The following WASF2 variants were observed in gnomAD, a reference collection of about 807,000 sequenced individuals.
WASF2 encodes the protein actin-binding protein WASF2.
A neutral mutation model predicts 45.0 loss-of-function variants in WASF2; 14 were observed. That is an observed-to-expected ratio of 0.31 (90% CI 0.21 to 0.49). The LOEUF (loss-of-function observed/expected upper bound fraction) is 0.49. WASF2 is among the 20% of genes least tolerant of loss of function. WASF2 has a pLI of 0.99. For missense variants in WASF2, 439 were observed against 636.1 expected, an observed-to-expected ratio of 0.69 and a Z score of 3.33; for synonymous variants, 200 against 236.3, an observed-to-expected ratio of 0.85 and a Z score of 1.41.
intron 1 of WASF2, among the ~76,000 whole-genome samples, chr1:27,437,552 C>T (rs1341046377): frequency 6.6e-6 from 1 of 152,124 alleles, no homozygotes; most frequent in Non-Finnish European, 1.5e-5. Context: ...GTTATGGATC[C>T]ACTTAAATTA....
chr1:27,487,579 A>C (rs1195249151), intron 1 of WASF2, among the ~76,000 whole-genome samples: 1 of 99,004 alleles, frequency 1.0e-5, no homozygotes, highest in Non-Finnish European at 1.8e-5. Flanking sequence ...TATAATATAT[A>C]TTATATATAT....
At chr1:27,429,031 GA>G in intron 1 of WASF2, 98 bp from the exon 2 acceptor site, 1 of 1,003,834 alleles carries the variant, frequency 1.0e-6, no homozygotes, top group Non-Finnish European at 1.4e-6. Context: ...GTCTTACCCT[GA>G]TCTAAAACAG....
Position 27,410,427 on chromosome 1 carries a change from A to ATT in WASF2, c.825-223_825-222dup, listed in dbSNP as rs1279966866. Reference sequence around the variant, plus strand: ...CCCACCAGTAGAGGAGGATAGACAGATTGAGTAAAACTACCTGCAAGAAGT... The same window carrying ATT: ...CCCACCAGTAGAGGAGGATAGACAGATTTTGAGTAAAACTACCTGCAAGAAGT... On this transcript the variant is annotated intron_variant, in intron 7 of 8. Coordinates refer to ENST00000618852, the MANE Select transcript of WASF2 (RefSeq NM_006990.5). This position sits in a 1 kb window ranked among gnomAD's most constrained non-coding sequence, Gnocchi z 4.2. Among the ~76,000 whole-genome samples, 9 of 152,292 alleles carry ATT rather than the reference A, an allele frequency of 5.9e-5. No homozygotes were observed. In the East Asian group the frequency reaches 1.7e-3, roughly 29 times the overall value.
chr1:27,467,483 AGTAGAGACGGCATTTCACC>A (rs1341677312), intron 1 of WASF2, among the ~76,000 whole-genome samples: 2 of 149,628 alleles, frequency 1.3e-5, no homozygotes, highest in Non-Finnish European at 1.5e-5. Flanking sequence ...TGGATTTTTT[AGTAGAGACGGCATTTCACC>A]GTGTTAGCCA....
intron 1 of WASF2, among the ~76,000 whole-genome samples, chr1:27,474,700 A>G (rs558289127): frequency 1.8e-4 from 28 of 151,998 alleles, no homozygotes; most frequent in African/African-American, 6.3e-4. Flanking sequence ...TAAACCCAGG[A>G]GGCAGAGGTT....
chr1:27,452,531 A>T (rs576040814), intron 1 of WASF2, among the ~76,000 whole-genome samples: 69 of 151,192 alleles, frequency 4.6e-4, no homozygotes, highest in African/African-American at 1.6e-3. Context: ...TAAATGAATA[A>T]ATAGGCCAGA....
Position 27,406,166 on chromosome 1 carries a change from C to A in WASF2, c.*2023G>T, listed in dbSNP as rs184641949. On this transcript the variant is annotated 3_prime_UTR_variant, in exon 9 of 9. Transcript: ENST00000618852. The stretch of plus-strand genomic sequence containing the variant: ...TACTGCTGGGCTGCGGCCCAGGCGC[C>A]TTCAACGACCATTTTAGGGTTCTGA... 3.2e-4 allele frequency: 49 copies of A among 152,830 alleles called. 1 individual carries two copies. The South Asian group carries it at 6.4e-3, about 20-fold the overall frequency. The allele number at this position is 152,830 out of a possible 1,614,324, so 9.5% of individuals were successfully genotyped here.
intron 1 of WASF2, among the ~76,000 whole-genome samples, chr1:27,480,954 C>A (rs539490596): frequency 9.0e-4 from 137 of 151,728 alleles, no homozygotes; most frequent in African/African-American, 3.3e-3. Context: ...AGGAGAATGG[C>A]GTGAACCTGG....
chr1:27,479,953 T>C (rs1571166892), intron 1 of WASF2, among the ~76,000 whole-genome samples: 1 of 152,250 alleles, frequency 6.6e-6, no homozygotes, highest in Non-Finnish European at 1.5e-5. Context: ...TGGAGCACTA[T>C]GCTTTGCAAA....
intron 2 of WASF2, among the ~76,000 whole-genome samples, chr1:27,419,987 C>T (rs747885384): frequency 5.9e-5 from 9 of 152,122 alleles, no homozygotes; most frequent in Non-Finnish European, 1.0e-4. Flanking sequence ...TCACTGCAAC[C>T]TCCATCTCCT....
rs1553152822 is a variant in WASF2 at position 27,487,432 on chromosome 1, A to AAT, written c.-44+2552_-44+2553dup. On this transcript the variant is annotated intron_variant, in intron 1 of 8. Transcript: ENST00000618852. ...ATATTTTATATAAATATATATATTT[A>AAT]ATATATATACAAATATAAATATATA... 2.4e-5 allele frequency among the ~76,000 whole-genome samples: 3 copies of AAT among 127,518 alleles called. No homozygotes were observed. The South Asian group carries it at 6.5e-4, about 28-fold the overall frequency. The allele number at this position is 127,518 out of a possible 152,430, so 83.7% of individuals were successfully genotyped here.
At chr1:27,459,251 C>CT (rs1213783414) in intron 1 of WASF2, 2 of 152,212 alleles carry the variant, frequency 1.3e-5, no homozygotes, top group Non-Finnish European at 2.9e-5. Flanking sequence ...GCTTCAATCT[C>CT]TCGGACTCAA....
chr1:27,461,600 C>T (rs2017545882), intron 1 of WASF2, among the ~76,000 whole-genome samples: 1 of 151,968 alleles, frequency 6.6e-6, no homozygotes, highest in East Asian at 1.9e-4. Flanking sequence ...GCAGCTGGGA[C>T]TACAGGCGCC....
chr1:27,416,102 C>A lies in WASF2; in HGVS notation c.420G>T (p.Arg140Ser). 1 of 1,613,046 alleles carries A rather than the reference C, an allele frequency of 6.2e-7. No individual in the cohort carries two copies. Among genetic ancestry groups the A allele is most frequent in the Non-Finnish European group, 8.5e-7 (1 of 1,179,168 alleles). ...ATTTGAGTGCCTCTTTTCCATCGTCCCTGGGATAGAAATGAAGACAAGTAG... is the reference window on the plus strand; with the variant it reads ...ATTTGAGTGCCTCTTTTCCATCGTCACTGGGATAGAAATGAAGACAAGTAG... ...PPPLNNLTPY[R>S]DDGKEALKFY... is the part of the protein sequence containing the mutation. Residue 140 changes from arginine (R) to serine (S), a missense_variant and splice_region_variant, in exon 5 of 9, where the codon AGG (arginine) becomes AGT (serine). Arg to Ser is a moderately radical substitution (Grantham distance 110, BLOSUM62 -1). Transcript: ENST00000618852.
At chr1:27,480,474 A>G (rs983946491) in intron 1 of WASF2, among the ~76,000 whole-genome samples, 1 of 151,826 alleles carries the variant, frequency 6.6e-6, no homozygotes, top group Non-Finnish European at 1.5e-5. Flanking sequence ...ATTAGATAGC[A>G]CCACTGCACT....
chr1:27,441,753 CAAAAAAAA>C (rs35347075), intron 1 of WASF2, among the ~76,000 whole-genome samples: 2 of 51,718 alleles, frequency 3.9e-5, no homozygotes, highest in Admixed American at 2.8e-4. Context: ...GACTCCGTCT[CAAAAAAAA>C]AAAAAAAAAA....
chr1:27,474,776 A>T (rs1321593720), intron 1 of WASF2, among the ~76,000 whole-genome samples: 2 of 151,600 alleles, frequency 1.3e-5, no homozygotes, highest in Non-Finnish European at 2.9e-5. Context: ...TGCCTCAAAA[A>T]AAAAATAAAA....
At chr1:27,411,804 A>C (rs2016764675) in intron 7 of WASF2, among the ~76,000 whole-genome samples, 1 of 152,248 alleles carries the variant, frequency 6.6e-6, no homozygotes, top group Non-Finnish European at 1.5e-5. Context: ...CGGAGCTTGC[A>C]GTTAGCCAAG....
chr1:27,410,551 C>T lies in WASF2; in HGVS notation c.825-345G>A, dbSNP rs1341742384. ...AGGGGAAGGCACCCTCCCTCCCCTTCCCTAAGAAGGATGGTCCATGGCAGT... is the reference window on the plus strand; with the variant it reads ...AGGGGAAGGCACCCTCCCTCCCCTTTCCTAAGAAGGATGGTCCATGGCAGT... On this transcript the variant is annotated intron_variant, in intron 7 of 8. Transcript: ENST00000618852. The surrounding 1 kb of genome is among the most constrained non-coding windows in gnomAD (Gnocchi z 4.2). Among the ~76,000 whole-genome samples, 1 of 152,160 alleles carries T rather than the reference C, an allele frequency of 6.6e-6. No homozygotes were observed. Among genetic ancestry groups the T allele is most frequent in the Admixed American group, 6.5e-5 (1 of 15,278 alleles).
Sources: allele counts gnomAD v4.1 joint callset (sites outside exome capture counted in the v4.1 genomes callset), GRCh38; gene constraint gnomAD v4.1.1; non-coding constraint Gnocchi (gnomAD v3.1); transcripts MANE v1.5; gene names NCBI Gene and HGNC (gene_info 2026-07-23, HGNC 2026-07-21).